Variants in DCK observed in about 807,000 individuals in gnomAD.
The protein encoded by DCK is deoxycytidine kinase.
Under a neutral mutation model 38.3 loss-of-function variants are expected in DCK, and 23 were observed. The ratio of observed to expected loss-of-function variants is 0.60; its 90% CI spans 0.43 to 0.85. The LOEUF (loss-of-function observed/expected upper bound fraction) is 0.85, where lower values mean the gene tolerates loss of function less well. Among genes scored for constraint, DCK ranks in the 40% least tolerant of loss-of-function variants. DCK has a pLI of 0.00. For missense variants in DCK, 259 were observed against 304.4 expected (o/e 0.85, Z 1.11); for synonymous variants, 108 against 100.6 (o/e 1.07, Z -0.44).
rs1740547442 is a variant in DCK at position 71,026,388 on chromosome 4, A to T, written c.666-277A>T. On this transcript the variant is annotated intron_variant, in intron 5 of 6. Transcript: ENST00000286648. The stretch of plus-strand genomic sequence containing the variant: ...AGCTTTAGTTTTCTCATCTTTAAAA[A>T]TGCAGAAATTCCTACTTTATTGACT... Among the ~76,000 whole-genome samples the T allele has an allele frequency of 2.0e-5, 3 of 152,100 alleles. No homozygotes were observed. In the South Asian group the frequency reaches 6.2e-4, roughly 31 times the overall value.
intron 2 of DCK, among the ~76,000 whole-genome samples, chr4:70,998,635 G>T (rs1578417618): frequency 1.3e-5 from 2 of 152,090 alleles, no homozygotes; most frequent in Admixed American, 6.5e-5. Flanking sequence ...GTTTAAACAT[G>T]CATTGAGGCC....
intron 1 of DCK, among the ~76,000 whole-genome samples, chr4:70,994,370 C>T (rs949358459): frequency 2.0e-5 from 3 of 152,190 alleles, no homozygotes; most frequent in African/African-American, 7.2e-5. Flanking sequence ...CCTACCTGCT[C>T]CTTTGTATTC....
At chr4:71,028,547 C>T (rs1676184767) in intron 6 of DCK, 1 of 385,760 alleles carries the variant, frequency 2.6e-6, no homozygotes, top group Non-Finnish European at 5.1e-6. Flanking sequence ...ATAAATAACT[C>T]CTAAAATGAC....
At chr4:70,993,963 G>C (rs9997790) in intron 1 of DCK, 37 bp downstream of exon 1, 24,010 of 1,469,492 alleles carry the variant, frequency 0.016, 253 homozygotes, top group Middle Eastern at 0.045. Flanking sequence ...GCAAGGCTGG[G>C]GTGTCGCGGC....
chr4:71,011,221 G>A (rs546937083), intron 2 of DCK, among the ~76,000 whole-genome samples: 1 of 146,314 alleles, frequency 6.8e-6, no homozygotes, highest in Middle Eastern at 3.6e-3. Context: ...GGGATTACAG[G>A]TGTGAGGTCT....
intron 1 of DCK, among the ~76,000 whole-genome samples, chr4:70,996,543 A>G (rs2148911346): frequency 6.6e-6 from 1 of 152,304 alleles, no homozygotes; most frequent in East Asian, 1.9e-4. Context: ...CGTCTCCCTG[A>G]CACTGAGACT....
At chr4:71,017,091 AAAAC>A (rs1226158395) in intron 2 of DCK, among the ~76,000 whole-genome samples, 1 of 151,342 alleles carries the variant, frequency 6.6e-6, no homozygotes, top group Non-Finnish European at 1.5e-5. Context: ...TTACAAGAAA[AAAAC>A]AACCCCATCA....
chr4:71,022,262 T>C, intron 2 of DCK, 105 bp from the exon 3 acceptor site: 1 of 606,956 alleles, frequency 1.6e-6, no homozygotes, highest in Non-Finnish European at 2.7e-6. Flanking sequence ...TTGCTGATCA[T>C]GATTACATTT....
chr4:71,007,446 T>A (rs1739973083), intron 2 of DCK, among the ~76,000 whole-genome samples: 1 of 152,186 alleles, frequency 6.6e-6, no homozygotes, highest in Admixed American at 6.5e-5. Context: ...AATCACTATA[T>A]CTTCTTTCCT....
intron 2 of DCK, among the ~76,000 whole-genome samples, chr4:71,013,572 G>C (rs548416373): frequency 6.6e-6 from 1 of 152,154 alleles, no homozygotes; most frequent in African/African-American, 2.4e-5. Context: ...CGGCAGAAAC[G>C]CTACAAGCCA....
chr4:71,004,717 C>T (rs1739894508), intron 2 of DCK, among the ~76,000 whole-genome samples: 1 of 152,216 alleles, frequency 6.6e-6, no homozygotes, highest in African/African-American at 2.4e-5. Flanking sequence ...CTGTGGTGGG[C>T]TCTGCCCAGC....
At chr4:71,015,068 A>G (rs943292604) in intron 2 of DCK, among the ~76,000 whole-genome samples, 3 of 152,254 alleles carry the variant, frequency 2.0e-5, no homozygotes, top group African/African-American at 7.2e-5. Context: ...AATAGACTCA[A>G]TAAAAAATGA....
At chr4:71,016,637 A>G (rs1048094651) in intron 2 of DCK, among the ~76,000 whole-genome samples, 1 of 152,206 alleles carries the variant, frequency 6.6e-6, no homozygotes, top group Non-Finnish European at 1.5e-5. Flanking sequence ...CCACACATCT[A>G]CAACCATCTG....
rs978892950 is a variant in DCK, at chr4:71,027,161, A to C, written c.756+406A>C. Among the ~76,000 whole-genome samples the C allele has an allele frequency of 3.3e-5, 5 of 152,028 alleles. 1 individual carries two copies. Among genetic ancestry groups the C allele is most frequent in the South Asian group, 4.1e-4 (2 of 4,830 alleles). ...ACCAATCTTTAGATACTTTAATAAT[A>C]AACTGCTTGTGAAATTAAATTTATC... On this transcript the variant is annotated intron_variant, in intron 6 of 6. Transcript: ENST00000286648.
At chr4:71,014,764 T>C (rs376325205) in intron 2 of DCK, among the ~76,000 whole-genome samples, 2 of 152,226 alleles carry the variant, frequency 1.3e-5, no homozygotes, top group South Asian at 2.1e-4. Context: ...GGGACACATT[T>C]AAAGCAGTGT....
chr4:71,021,644 C>T (rs992241406), intron 2 of DCK, among the ~76,000 whole-genome samples: 4 of 152,066 alleles, frequency 2.6e-5, no homozygotes, highest in African/African-American at 9.7e-5. Flanking sequence ...GAGCATATAT[C>T]CCATCTAAAG....
intron 2 of DCK, among the ~76,000 whole-genome samples, chr4:71,016,208 T>C (rs1434078705): frequency 6.6e-6 from 1 of 152,112 alleles, no homozygotes; most frequent in Admixed American, 6.5e-5. Flanking sequence ...ATAAAATACC[T>C]AGGAATCCAA....
At chr4:71,011,764 G>C (rs1740096154) in intron 2 of DCK, among the ~76,000 whole-genome samples, 1 of 152,166 alleles carries the variant, frequency 6.6e-6, no homozygotes, top group Non-Finnish European at 1.5e-5. Context: ...AGAATTAAAA[G>C]ATAAATGATT....
intron 2 of DCK, among the ~76,000 whole-genome samples, chr4:71,016,633 A>C (rs932532394): frequency 6.6e-6 from 1 of 152,288 alleles, no homozygotes; most frequent in South Asian, 2.1e-4. Flanking sequence ...AATACCACAC[A>C]TCTACAACCA....
Sources: gnomAD v4.1 joint callset for allele counts (sites outside exome capture counted in the v4.1 genomes callset) on GRCh38, gnomAD v4.1.1 for gene constraint, MANE v1.5 for transcripts, NCBI Gene and HGNC (gene_info 2026-07-23, HGNC 2026-07-21) for gene names.